Variants in RSF1 observed in about 807,000 individuals in gnomAD.
RSF1 encodes the protein HBV pX-associated protein 8.
Under a neutral mutation model 145.2 loss-of-function variants are expected in RSF1, and 13 were observed. That is an observed-to-expected ratio of 0.09 (90% confidence interval 0.06 to 0.14). The LOEUF is 0.14. RSF1 is among the 10% of genes least tolerant of loss of function. The pLI is 1.00. For missense variants in RSF1, 1,517 were observed against 1,718.2 expected, an observed-to-expected ratio of 0.88 and a Z score of 2.07; for synonymous variants, 577 against 592.6, an observed-to-expected ratio of 0.97 and a Z score of 0.38.
rs758889849 is a variant in RSF1 at position 77,675,025 on chromosome 11, A to G, written c.3562+11T>C. The G allele has an allele frequency of 1.3e-6, 2 of 1,574,486 alleles. No individual in the cohort carries two copies. The highest frequency in any genetic ancestry group is 2.2e-5 in the East Asian group (1 of 44,574). On this transcript the variant is annotated intron_variant, in intron 14 of 15. Transcript: ENST00000308488. ...TTATTGAGCTACCATATGGTTACAG[A>G]TTATTTTTACCAGAGTCTCTACTAT...
At chr11:77,683,606 A>G (rs892110690) in intron 11 of RSF1, 104 bp downstream of exon 11, 9 of 685,976 alleles carry the variant, frequency 1.3e-5, no homozygotes, top group African/African-American at 1.3e-4. Context: ...TATATATACA[A>G]CTGCAATAAT....
intron 1 of RSF1, among the ~76,000 whole-genome samples, chr11:77,779,508 A>C (rs1948382195): frequency 6.6e-6 from 1 of 151,038 alleles, no homozygotes; most frequent in East Asian, 2.0e-4. Context: ...TCAGCCTCCC[A>C]AGTAGCTGGG....
intron 5 of RSF1, among the ~76,000 whole-genome samples, chr11:77,711,403 C>A (rs1184548671): frequency 6.6e-6 from 1 of 152,178 alleles, no homozygotes; most frequent in East Asian, 1.9e-4. Context: ...GGTGCAGTGG[C>A]TCACGCCTGT....
At chr11:77,747,371 A>C (rs1385452691) in intron 2 of RSF1, among the ~76,000 whole-genome samples, 1 of 152,214 alleles carries the variant, frequency 6.6e-6, no homozygotes, top group East Asian at 1.9e-4. Context: ...GCTATCAAGA[A>C]CTTTATACAT....
At chr11:77,810,894 C>G (rs1302902868) in intron 1 of RSF1, among the ~76,000 whole-genome samples, 1 of 152,136 alleles carries the variant, frequency 6.6e-6, no homozygotes, top group African/African-American at 2.4e-5. Flanking sequence ...AAGGGCTAGA[C>G]AGATAATAAG....
intron 15 of RSF1, among the ~76,000 whole-genome samples, chr11:77,667,806 C>A (rs982171149): frequency 6.6e-6 from 1 of 152,086 alleles, no homozygotes; most frequent in Non-Finnish European, 1.5e-5. Context: ...TGGGTTCAAG[C>A]GATTCTCCTG....
chr11:77,853,556 A>G, the RSF1 span, among the ~76,000 whole-genome samples: 9 of 152,298 alleles, frequency 5.9e-5, no homozygotes, highest in African/African-American at 1.7e-4. Flanking sequence ...ACTGGGGATT[A>G]TAATTCGATA....
chr11:77,675,047 C>T lies in RSF1; in HGVS notation c.3551G>A (p.Ser1184Asn). ...CAGATTATTTTTACCAGAGTCTCTA[C>T]TATTCTCCTCAGATTCCTCCTCTTC... ...DDEEEESEENSRDSESDFSDD... is the reference protein window; with the variant it reads ...DDEEEESEENNRDSESDFSDD... The change falls in exon 14 of 16, where the codon AGT becomes AAT. Residue 1184 changes from serine (S) to asparagine (N), a missense_variant. Transcript: ENST00000308488. 6.2e-7 allele frequency: 1 copy of T among 1,606,694 alleles called. No individual in the cohort carries two copies. The highest frequency in any genetic ancestry group is 8.5e-7 in the Non-Finnish European group (1 of 1,177,518).
the RSF1 span, among the ~76,000 whole-genome samples, chr11:77,826,251 A>T: frequency 6.6e-6 from 1 of 151,698 alleles, no homozygotes; most frequent in Admixed American, 6.6e-5. Flanking sequence ...AGTCCCAGCT[A>T]CTCGGGAGGC....
Position 77,701,378 on chromosome 11 carries a change from T to A in RSF1, c.1851A>T (p.Ser617=). 6.2e-7 allele frequency: 1 copy of A among 1,614,060 alleles called. No individual in the cohort carries two copies. The highest frequency in any genetic ancestry group is 8.5e-7 in the Non-Finnish European group (1 of 1,180,022). Residue 617 remains serine, a synonymous_variant, in exon 6 of 16, where the codon TCA becomes TCT. Coordinates refer to ENST00000308488, the MANE Select transcript of RSF1 (RefSeq NM_016578.4). ...PEEVPKSTLE[S]EKPGSPEAAE... is the part of the protein sequence containing the mutation. ...CTGCCTCAGGAGAGCCAGGCTTTTCTGACTCTAGAGTACTCTTTGGAACTT... is the reference window on the plus strand; with the variant it reads ...CTGCCTCAGGAGAGCCAGGCTTTTCAGACTCTAGAGTACTCTTTGGAACTT...
intron 5 of RSF1, among the ~76,000 whole-genome samples, chr11:77,715,066 G>A (rs1960775127): frequency 6.6e-6 from 1 of 152,110 alleles, no homozygotes; most frequent in African/African-American, 2.4e-5. Flanking sequence ...CAAGGTTACA[G>A]TGATTTATGA....
chr11:77,796,909 A>G (rs561539225), intron 1 of RSF1, among the ~76,000 whole-genome samples: 1 of 152,346 alleles, frequency 6.6e-6, no homozygotes, highest in African/African-American at 2.4e-5. Flanking sequence ...CCCATTCAAA[A>G]TTGCTACAAA....
intron 1 of RSF1, among the ~76,000 whole-genome samples, chr11:77,801,285 G>A (rs1379238658): frequency 6.6e-6 from 1 of 152,092 alleles, no homozygotes; most frequent in South Asian, 2.1e-4. Context: ...AAAAGTAGCC[G>A]GGTGTGGTGG....
At chr11:77,690,931 A>G (rs192888058) in intron 9 of RSF1, 9 of 525,288 alleles carry the variant, frequency 1.7e-5, no homozygotes, top group African/African-American at 1.5e-4. Flanking sequence ...TGAGTATCAT[A>G]TAATTTTCAT....
chr11:77,844,403 T>C, the RSF1 span, among the ~76,000 whole-genome samples: 5 of 152,236 alleles, frequency 3.3e-5, no homozygotes, highest in African/African-American at 1.2e-4. Flanking sequence ...CCCTCTGTCG[T>C]CCAGGCTAGA....
upstream of RSF1, among the ~76,000 whole-genome samples, chr11:77,825,847 A>G (rs935068623): frequency 1.1e-4 from 17 of 152,102 alleles, no homozygotes; most frequent in Non-Finnish European, 2.5e-4. Flanking sequence ...AAGTGCCACT[A>G]CATCCGGCTA....
chr11:77,728,004 T>C (rs995238796), intron 4 of RSF1, among the ~76,000 whole-genome samples: 1 of 152,190 alleles, frequency 6.6e-6, no homozygotes, highest in Non-Finnish European at 1.5e-5. Flanking sequence ...TTCCCTCAAA[T>C]CACATCCAAA....
chr11:77,705,447 A>G (rs1031577426), intron 5 of RSF1, among the ~76,000 whole-genome samples: 7 of 152,150 alleles, frequency 4.6e-5, no homozygotes, highest in Non-Finnish European at 1.0e-4. Flanking sequence ...TTTCTCCACC[A>G]CCCCTAGCAG....
chr11:77,767,393 A>G (rs1396550557), intron 1 of RSF1, among the ~76,000 whole-genome samples: 6 of 152,190 alleles, frequency 3.9e-5, no homozygotes, highest in Admixed American at 3.9e-4. Context: ...GACTGCTTTC[A>G]TATCACTTCC....
Sources: gnomAD v4.1 joint callset for allele counts (sites outside exome capture counted in the v4.1 genomes callset) on GRCh38, gnomAD v4.1.1 for gene constraint, MANE v1.5 for transcripts, NCBI Gene and HGNC (gene_info 2026-07-23, HGNC 2026-07-21) for gene names.